ASCC1: variants seen among roughly 807,000 people sequenced by gnomAD.
The protein encoded by ASCC1 is ASC-1 complex subunit P50.
ASCC1 carries 35 observed loss-of-function variants against 46.6 expected under a neutral mutation model. That is an observed-to-expected ratio of 0.75 (90% CI 0.57 to 0.99). The LOEUF is 0.99. Ranked by LOEUF, ASCC1 falls within the 50% of genes least tolerant of loss-of-function variation. The pLI is 0.00. For missense variants in ASCC1, 376 were observed against 428.7 expected (o/e 0.88, Z 1.09); for synonymous variants, 143 against 146.6 (o/e 0.98, Z 0.18).
rs183275812 is a variant in ASCC1, at chr10:72,097,177, G to C, written c.*157C>G. 156 of 729,230 alleles carry C rather than the reference G, an allele frequency of 2.1e-4. 3 individuals are homozygous for C. Among genetic ancestry groups the C allele is most frequent in the African/African-American group, 2.1e-3 (120 of 58,250 alleles). The allele number at this position is 729,230 out of a possible 1,614,324, so 45.2% of individuals were successfully genotyped here. The stretch of plus-strand genomic sequence containing the variant: ...ACCATCTCAGCTGGTAGTATGACGG[G>C]TGTAGACACCATTAGAGGCAATGGT... On this transcript the variant is annotated 3_prime_UTR_variant, in exon 10 of 10. Transcript: ENST00000672957.
intron 5 of ASCC1, among the ~76,000 whole-genome samples, chr10:72,176,884 T>TC (rs1794139914): frequency 1.3e-5 from 2 of 151,988 alleles, no homozygotes; most frequent in Middle Eastern, 3.4e-3. Flanking sequence ...CAAACTCCTG[T>TC]CCCTTCCAGA....
chr10:72,159,731 G>C (rs1014737834), intron 6 of ASCC1, among the ~76,000 whole-genome samples: 11 of 152,030 alleles, frequency 7.2e-5, no homozygotes, highest in Non-Finnish European at 1.5e-4. Context: ...AGATATGTCC[G>C]TTACTGAGCA....
intron 9 of ASCC1, among the ~76,000 whole-genome samples, chr10:72,108,026 C>T (rs1206143338): frequency 6.6e-6 from 1 of 151,584 alleles, no homozygotes; most frequent in Non-Finnish European, 1.5e-5. Flanking sequence ...AAAAGACTAT[C>T]ACATCATCTA....
At chr10:72,184,235 G>A (rs541329684) in intron 5 of ASCC1, among the ~76,000 whole-genome samples, 1 of 146,400 alleles carries the variant, frequency 6.8e-6, no homozygotes, top group East Asian at 2.0e-4. Context: ...GAACAAAGAA[G>A]ACCAAAAAAA....
chr10:72,097,963 C>T (rs1356875759), intron 9 of ASCC1, among the ~76,000 whole-genome samples: 1 of 152,190 alleles, frequency 6.6e-6, no homozygotes, highest in Non-Finnish European at 1.5e-5. Context: ...TCAGACAAAC[C>T]ACTGAGGGAC....
At chr10:72,186,939 CA>C (rs1260721296) in intron 5 of ASCC1, among the ~76,000 whole-genome samples, 1 of 140,950 alleles carries the variant, frequency 7.1e-6, no homozygotes, top group Non-Finnish European at 1.5e-5. Flanking sequence ...GATGCACATG[CA>C]CATGCCCAGA....
At chr10:72,216,490 C>G (rs1437241854), upstream of ASCC1, among the ~76,000 whole-genome samples, 10 of 129,378 alleles carry the variant, frequency 7.7e-5, no homozygotes, top group South Asian at 1.0e-3. Flanking sequence ...GCCCCCCCCC[C>G]CCCCCGTTAC....
chr10:72,186,918 G>T (rs1398172422), intron 5 of ASCC1, among the ~76,000 whole-genome samples: 1 of 137,724 alleles, frequency 7.3e-6, no homozygotes, highest in Middle Eastern at 3.4e-3. Context: ...AAAAAAAAAA[G>T]GAAGAAAGCG....
chr10:72,113,831 T>G (rs1564592158), intron 9 of ASCC1, among the ~76,000 whole-genome samples: 2 of 152,180 alleles, frequency 1.3e-5, no homozygotes, highest in African/African-American at 4.8e-5. Context: ...AATCTCCTAT[T>G]TTTATAGCTT....
At chr10:72,103,779 C>A (rs1246910274) in intron 9 of ASCC1, among the ~76,000 whole-genome samples, 1 of 152,046 alleles carries the variant, frequency 6.6e-6, no homozygotes, top group Admixed American at 6.6e-5. Context: ...GAAAAGAATC[C>A]GAACAAACAG....
rs532433984 is a variant in ASCC1 at position 72,144,774 on chromosome 10, CCTG to C, written c.746+8092_746+8094del. 1.8e-4 allele frequency among the ~76,000 whole-genome samples: 28 copies of C among 152,136 alleles called. 1 individual carries two copies. In the South Asian group the frequency reaches 5.8e-3, roughly 32 times the overall value. On this transcript the variant is annotated intron_variant, in intron 7 of 9. Coordinates refer to ENST00000672957, the MANE Select transcript of ASCC1 (RefSeq NM_001198800.3). ...TAGAATTCCCCTTAGTCCTGATTTA[CCTG>C]CTGTTAGTTGATATTTTAGTTCTAT... is the stretch of plus-strand genomic sequence containing the variant.
intron 3 of ASCC1, among the ~76,000 whole-genome samples, chr10:72,205,587 A>G (rs1322688473): frequency 6.7e-6 from 1 of 149,546 alleles, no homozygotes; most frequent in Non-Finnish European, 1.5e-5. Context: ...CCAAGATCAC[A>G]CCACTGCACT....
intron 5 of ASCC1, among the ~76,000 whole-genome samples, chr10:72,188,195 T>C (rs1399187270): frequency 6.7e-6 from 1 of 148,418 alleles, no homozygotes; most frequent in East Asian, 2.1e-4. Context: ...TGTGGCTCAC[T>C]GCAGCCTCTA....
At chr10:72,213,573 C>A (rs184966518) in intron 1 of ASCC1, among the ~76,000 whole-genome samples, 4 of 150,170 alleles carry the variant, frequency 2.7e-5, no homozygotes, top group Non-Finnish European at 5.9e-5. Context: ...CACCCCCCCC[C>A]CAAAAATGAT....
intron 3 of ASCC1, chr10:72,204,329 C>A: frequency 1.4e-6 from 2 of 1,455,336 alleles, no homozygotes; most frequent in South Asian, 2.5e-5. Flanking sequence ...CGAGCTACAG[C>A]CAACTCTCGA....
chr10:72,187,029 A>G (rs955908402), intron 5 of ASCC1, among the ~76,000 whole-genome samples: 17 of 152,116 alleles, frequency 1.1e-4, no homozygotes, highest in African/African-American at 4.1e-4. Context: ...AAGAATATAT[A>G]CAATGACTGA....
At chr10:72,131,437 A>AAT (rs1190510062) in intron 8 of ASCC1, among the ~76,000 whole-genome samples, 1 of 49,076 alleles carries the variant, frequency 2.0e-5, no homozygotes, top group African/African-American at 7.6e-5. Context: ...ATAAAATAAA[A>AAT]ATACACACAC....
intron 7 of ASCC1, among the ~76,000 whole-genome samples, chr10:72,152,416 T>A (rs1848474388): frequency 6.6e-6 from 1 of 152,112 alleles, no homozygotes; most frequent in Non-Finnish European, 1.5e-5. Context: ...TTACATCACG[T>A]TTGAAACTCA....
chr10:72,176,049 C>T (rs1851818739), intron 5 of ASCC1, among the ~76,000 whole-genome samples: 1 of 152,234 alleles, frequency 6.6e-6, no homozygotes, highest in African/African-American at 2.4e-5. Flanking sequence ...CCATGCTCTG[C>T]TCCAAACACC....
Sources: gnomAD v4.1 joint callset for allele counts (sites outside exome capture counted in the v4.1 genomes callset) on GRCh38, gnomAD v4.1.1 for gene constraint, MANE v1.5 for transcripts, NCBI Gene and HGNC (gene_info 2026-07-23, HGNC 2026-07-21) for gene names.